The following ZFAT variants were observed in gnomAD, a reference collection of about 807,000 sequenced individuals.
The protein encoded by ZFAT is zinc finger and AT-hook domain containing, also known as zinc finger protein ZFAT.
Under a neutral mutation model 117.7 loss-of-function variants are expected in ZFAT, and 64 were observed. The ratio of observed to expected loss-of-function variants is 0.54; its 90% confidence interval spans 0.44 to 0.67. The LOEUF (loss-of-function observed/expected upper bound fraction) is 0.67, where lower values mean the gene tolerates loss of function less well. ZFAT is among the 30% of genes least tolerant of loss of function. The pLI is 0.00. For missense variants in ZFAT, 1,433 were observed against 1,584.5 expected, an observed-to-expected ratio of 0.90 and a Z score of 1.62; for synonymous variants, 679 against 615.0, an observed-to-expected ratio of 1.10 and a Z score of -1.54.
intron 15 of ZFAT, among the ~76,000 whole-genome samples, chr8:134,508,599 T>C (rs548162788): frequency 1.3e-5 from 2 of 152,260 alleles, no homozygotes; most frequent in East Asian, 1.9e-4. Flanking sequence ...ACCCCACTCC[T>C]CTCCCACTTC....
chr8:134,608,689 G>T, intron 5 of ZFAT, 40 bp downstream of exon 5: 10 of 1,596,186 alleles, frequency 6.3e-6, no homozygotes, highest in Non-Finnish European at 8.5e-6. Context: ...TCACTCACAT[G>T]CAACCTCTGG....
chr8:134,728,525 A>G, the ZFAT span, among the ~76,000 whole-genome samples: 1 of 152,122 alleles, frequency 6.6e-6, no homozygotes, highest in Admixed American at 6.5e-5. Context: ...GAAAATCCCC[A>G]GCTGCAAGTC....
At chr8:134,763,509 A>G in the ZFAT span, among the ~76,000 whole-genome samples, 2 of 152,194 alleles carry the variant, frequency 1.3e-5, no homozygotes, top group African/African-American at 4.8e-5. Context: ...AGCCTTCTTC[A>G]TCTCTACTTC....
chr8:134,691,619 C>T (rs1563767394), intron 1 of ZFAT, among the ~76,000 whole-genome samples: 1 of 152,208 alleles, frequency 6.6e-6, no homozygotes. Flanking sequence ...CAGCTCCATC[C>T]TAGCTTTCTC....
chr8:134,557,449 T>C lies in ZFAT; in HGVS notation c.2976+7884A>G, dbSNP rs143236220. On this transcript the variant is annotated intron_variant, in intron 11 of 15. Transcript: ENST00000377838. ...AAACTAAGAAAATCTGAATAAAATA[T>C]GGACTTTAGCTAATGATAATGTATT... Among the ~76,000 whole-genome samples, 9 of 152,346 alleles carry C rather than the reference T, an allele frequency of 5.9e-5. No homozygotes were observed. In the East Asian group the frequency reaches 1.3e-3, roughly 23 times the overall value.
At chr8:134,518,044 T>C (rs72719721) in intron 13 of ZFAT, among the ~76,000 whole-genome samples, 17,074 of 152,212 alleles carry the variant, frequency 0.11, 1,227 homozygotes, top group Admixed American at 0.22. Context: ...TCAGAGTTTA[T>C]GTGAATATCT....
rs1235947624 is a variant in ZFAT, at chr8:134,516,572, C to T, written c.3235-3971G>A. Among the ~76,000 whole-genome samples the T allele has an allele frequency of 2.0e-5, 3 of 152,090 alleles. 1 individual carries two copies. Among genetic ancestry groups the T allele is most frequent in the Non-Finnish European group, 4.4e-5 (3 of 68,016 alleles). On this transcript the variant is annotated intron_variant, in intron 13 of 15. Transcript: ENST00000377838. Reference sequence around the variant, plus strand: ...GAATAGGGCTGGGTATGGTGGCTCACACTTGTATTCCCAGCACTTCGGGAA... The same window carrying T: ...GAATAGGGCTGGGTATGGTGGCTCATACTTGTATTCCCAGCACTTCGGGAA...
intron 10 of ZFAT, among the ~76,000 whole-genome samples, chr8:134,577,744 A>G (rs1434630664): frequency 6.6e-6 from 1 of 152,208 alleles, no homozygotes; most frequent in Non-Finnish European, 1.5e-5. Flanking sequence ...AAATAAGGAA[A>G]TTATACAGTA....
At chr8:134,524,904 G>A (rs1256225487) in intron 12 of ZFAT, among the ~76,000 whole-genome samples, 2 of 152,172 alleles carry the variant, frequency 1.3e-5, no homozygotes, top group Non-Finnish European at 2.9e-5. Context: ...CAGTTACCAT[G>A]CATCAGGCAC....
the ZFAT span, among the ~76,000 whole-genome samples, chr8:134,808,065 G>A: frequency 4.6e-5 from 7 of 152,210 alleles, no homozygotes; most frequent in African/African-American, 2.4e-5. Context: ...CAGAGCAGAT[G>A]ATAATTCTAT....
chr8:134,536,765 T>G (rs1318771812), intron 11 of ZFAT, among the ~76,000 whole-genome samples: 1 of 152,202 alleles, frequency 6.6e-6, no homozygotes, highest in African/African-American at 2.4e-5. Flanking sequence ...TATACAGGTT[T>G]TGGGACTTAA....
chr8:134,801,299 T>TC, the ZFAT span, among the ~76,000 whole-genome samples: 5 of 152,080 alleles, frequency 3.3e-5, no homozygotes, highest in Non-Finnish European at 7.4e-5. Context: ...AAGAAATGTC[T>TC]CCCCCTCTTT....
At position 134,589,576 on chromosome 8, in the gene ZFAT, G is replaced by A. The variant is rs58883498; in HGVS notation, c.2563+692C>T. 9.3e-3 allele frequency among the ~76,000 whole-genome samples: 1,423 copies of A among 152,336 alleles called. 16 individuals carry two copies. Among genetic ancestry groups the A allele is most frequent in the African/African-American group, 0.033 (1,353 of 41,558 alleles). On this transcript the variant is annotated intron_variant, in intron 8 of 15. Coordinates refer to ENST00000377838, the MANE Select transcript of ZFAT (RefSeq NM_020863.4). ...CTGGAGATGAGGCGGGATAAGCCCC[G>A]ACTCAGGGAGCCCATGGGAGTTGCT...
upstream of ZFAT, among the ~76,000 whole-genome samples, chr8:134,717,679 G>T (rs1202396194): frequency 4.0e-5 from 6 of 149,894 alleles, no homozygotes; most frequent in East Asian, 1.2e-3. Flanking sequence ...GTAGAGACGG[G>T]GTTTCACCAT....
rs749749924 is a variant in ZFAT at position 134,637,684 on chromosome 8, G to C, written c.225C>G (p.Gly75=). Residue 75 remains glycine (G), a synonymous_variant, in exon 3 of 16, where the codon GGC becomes GGG. Transcript: ENST00000377838. The stretch of plus-strand genomic sequence containing the variant: ...ACTTCTTCGTGGACCCCTTAGGCCT[G>C]CCTCTCTTCCTCTTCATGACCAAAA... The part of the protein sequence containing the change: ...DEFLVMKRKR[G]RPKGSTKKSS... The C allele has an allele frequency of 6.2e-7, 1 of 1,614,038 alleles. No individual in the cohort carries two copies. The highest frequency in any genetic ancestry group is 8.5e-7 in the Non-Finnish European group (1 of 1,180,026).
At chr8:134,752,075 A>G in the ZFAT span, among the ~76,000 whole-genome samples, 2 of 152,040 alleles carry the variant, frequency 1.3e-5, no homozygotes, top group East Asian at 3.9e-4. Flanking sequence ...GGCTAGATCA[A>G]CTCTAAGATC....
the ZFAT span, among the ~76,000 whole-genome samples, chr8:134,806,914 G>A: frequency 2.6e-5 from 4 of 152,158 alleles, no homozygotes; most frequent in African/African-American, 9.7e-5. Flanking sequence ...GTCTAATGAG[G>A]GGATAGCTGA....
chr8:134,748,973 T>C, the ZFAT span, among the ~76,000 whole-genome samples: 4 of 152,166 alleles, frequency 2.6e-5, no homozygotes, highest in Non-Finnish European at 5.9e-5. Flanking sequence ...TTTAACCTAT[T>C]TCTTGTTTAG....
chr8:134,654,923 A>G (rs1476818142), intron 2 of ZFAT, among the ~76,000 whole-genome samples: 1 of 152,226 alleles, frequency 6.6e-6, no homozygotes, highest in Non-Finnish European at 1.5e-5. Flanking sequence ...AAACAAGTCT[A>G]GTTGTGGGGT....
Sources: gnomAD v4.1 joint callset for allele counts (sites outside exome capture counted in the v4.1 genomes callset) on GRCh38, gnomAD v4.1.1 for gene constraint, MANE v1.5 for transcripts, NCBI Gene and HGNC (gene_info 2026-07-23, HGNC 2026-07-21) for gene names.